Variants in FOLH1 observed in about 807,000 individuals in gnomAD.
FOLH1 encodes the protein folate hydrolase 1.
In FOLH1, 54 loss-of-function variants were observed where a neutral mutation model predicts 93.9. The ratio of observed to expected loss-of-function variants is 0.57; its 90% CI spans 0.46 to 0.72. The LOEUF (loss-of-function observed/expected upper bound fraction) is 0.72, where lower values mean the gene tolerates loss of function less well. FOLH1 is among the 30% of genes least tolerant of loss of function. The pLI is 0.00. For synonymous variants in FOLH1, 249 were observed against 303.6 expected, an observed-to-expected ratio of 0.82 and a Z score of 1.87; for missense variants, 571 against 892.5, an observed-to-expected ratio of 0.64 and a Z score of 4.59.
chr11:49,204,907 T>TA (rs986344906), intron 2 of FOLH1, among the ~76,000 whole-genome samples: 38 of 150,954 alleles, frequency 2.5e-4, no homozygotes, highest in African/African-American at 8.0e-4. Context: ...ATCTCATGCT[T>TA]AAAAAAAAAG....
rs1269883606 is a variant in FOLH1, at chr11:49,208,469, G to T, written c.-60C>A. ...CGCCTGTGCTGCTGCTCTACTGCGC[G>T]CCCTCCAACCACCACGGCGGGGTAA... is the stretch of plus-strand genomic sequence containing the variant. On this transcript the variant is annotated 5_prime_UTR_variant, in exon 1 of 19. Coordinates refer to ENST00000256999, the MANE Select transcript of FOLH1 (RefSeq NM_004476.3). 12 of 1,202,056 alleles carry T rather than the reference G, an allele frequency of 1.0e-5. No homozygotes were observed. Among genetic ancestry groups the T allele is most frequent in the Admixed American group, 6.7e-5 (3 of 44,842 alleles). The allele number at this position is 1,202,056 out of a possible 1,614,324, so 74.5% of individuals were successfully genotyped here. A position where few individuals can be genotyped will look rare whatever the true frequency, so the allele number is the denominator to read the frequency against.
intron 5 of FOLH1, 62 bp downstream of exon 5, chr11:49,186,582 G>A (rs1861409307): frequency 3.3e-6 from 5 of 1,536,242 alleles, no homozygotes; most frequent in Non-Finnish European, 4.4e-6. Context: ...TTCTACACAT[G>A]TAAAACCCAC....
intron 6 of FOLH1, among the ~76,000 whole-genome samples, chr11:49,185,164 T>C (rs1436883768): frequency 1.3e-5 from 2 of 152,112 alleles, no homozygotes; most frequent in African/African-American, 2.4e-5. Flanking sequence ...GAACTTCTGC[T>C]CTCCTGTCCC....
chr11:49,198,466 A>AGCCTGGGCGACACTGCACTCCAGCCTGG (rs1862889486), intron 3 of FOLH1, among the ~76,000 whole-genome samples: 1 of 148,372 alleles, frequency 6.7e-6, no homozygotes, highest in African/African-American at 2.6e-5. Flanking sequence ...TGGGCGACAA[A>AGCCTGGGCGACACTGCACTCCAGCCTGG]GCGAGACTCC....
intron 4 of FOLH1, among the ~76,000 whole-genome samples, chr11:49,191,784 G>A (rs546717250): frequency 4.6e-5 from 7 of 152,168 alleles, no homozygotes; most frequent in Non-Finnish European, 8.8e-5. Flanking sequence ...TGCAAGCTCC[G>A]CCTCCCGGGT....
At chr11:49,161,699 T>C (rs1178040659) in intron 13 of FOLH1, among the ~76,000 whole-genome samples, 2 of 152,232 alleles carry the variant, frequency 1.3e-5, no homozygotes, top group African/African-American at 4.8e-5. Context: ...TGCAGACTTA[T>C]GTGATTGCTT....
At chr11:49,201,282 C>A (rs542532161) in intron 2 of FOLH1, among the ~76,000 whole-genome samples, 3 of 124,604 alleles carry the variant, frequency 2.4e-5, no homozygotes, top group African/African-American at 1.0e-4. Context: ...ATATATAGTT[C>A]ATAAACTTTT....
intron 2 of FOLH1, 47 bp from the exon 3 acceptor site, chr11:49,200,488 C>T: frequency 6.3e-7 from 1 of 1,592,338 alleles, no homozygotes; most frequent in South Asian, 1.1e-5. Context: ...GTTTAATCAA[C>T]TTTTATTCCA....
At chr11:49,150,497 A>G (rs1272837818) in intron 17 of FOLH1, among the ~76,000 whole-genome samples, 10 of 152,184 alleles carry the variant, frequency 6.6e-5, no homozygotes, top group Non-Finnish European at 1.2e-4. Flanking sequence ...TATCAATATT[A>G]AAATAAGATG....
chr11:49,181,250 G>A (rs1463895751), intron 7 of FOLH1, among the ~76,000 whole-genome samples: 1 of 151,704 alleles, frequency 6.6e-6, no homozygotes, highest in African/African-American at 2.4e-5. Flanking sequence ...TGGGACTACA[G>A]GCATGCACCA....
chr11:49,179,950 T>C (rs1425282782), intron 7 of FOLH1, among the ~76,000 whole-genome samples: 1 of 152,230 alleles, frequency 6.6e-6, no homozygotes, highest in Non-Finnish European at 1.5e-5. Flanking sequence ...AAAGTCATTC[T>C]ATAAATGTTT....
chr11:49,147,025 G>A (rs1310456964), intron 18 of FOLH1, 80 bp from the exon 19 acceptor site: 16 of 1,439,442 alleles, frequency 1.1e-5, no homozygotes, highest in Non-Finnish European at 1.5e-5. Context: ...GCAATTCCTG[G>A]ATTGCATATT....
chr11:49,205,920 C>G (rs1863870471), intron 2 of FOLH1, 147 bp downstream of exon 2: 1 of 807,566 alleles, frequency 1.2e-6, no homozygotes, highest in Non-Finnish European at 1.8e-6. Context: ...AAAGTATAGT[C>G]CTCCTCAGAT....
At chr11:49,148,930 AT>A in intron 17 of FOLH1, among the ~76,000 whole-genome samples, 199 bp from the exon 18 acceptor site, 1 of 151,884 alleles carries the variant, frequency 6.6e-6, no homozygotes, top group East Asian at 1.9e-4. Flanking sequence ...CCTTTGTGGA[AT>A]TTTTTTTTAT....
intron 17 of FOLH1, among the ~76,000 whole-genome samples, chr11:49,149,715 G>A (rs1417302203): frequency 1.3e-5 from 2 of 152,110 alleles, no homozygotes; most frequent in African/African-American, 2.4e-5. Flanking sequence ...AAAGATGCTT[G>A]TTGAGATTTT....
chr11:49,182,854 T>C (rs1860932764), intron 7 of FOLH1, among the ~76,000 whole-genome samples: 1 of 152,006 alleles, frequency 6.6e-6, no homozygotes, highest in Admixed American at 6.5e-5. Context: ...GGAAGCATGG[T>C]CTTGACAAAA....
Position 49,146,686 on chromosome 11 carries a change from A to G in FOLH1, c.*70T>C, listed in dbSNP as rs1444968951. The G allele has an allele frequency of 6.3e-6, 9 of 1,434,906 alleles. No homozygotes were observed. The highest frequency in any genetic ancestry group is 3.6e-4 in the Middle Eastern group (2 of 5,484). 88.9% of individuals were successfully genotyped at this position (1,434,906 alleles called of 1,614,324 possible). On this transcript the variant is annotated 3_prime_UTR_variant, in exon 19 of 19. Coordinates refer to ENST00000256999, the MANE Select transcript of FOLH1 (RefSeq NM_004476.3). ...AATATACCAATTTTAAAATTTATCA[A>G]TATACCCATTACGATTCTTTCTGAG... is the stretch of plus-strand genomic sequence containing the variant.
chr11:49,208,047 C>A, intron 1 of FOLH1: 3 of 643,928 alleles, frequency 4.7e-6, no homozygotes, highest in East Asian at 2.8e-5. Context: ...GTTTCAGGTT[C>A]TCTCAGTTCT....
Position 49,146,564 on chromosome 11 carries a change from G to A in FOLH1, c.*192C>T. ...CTTCAGAATAACCTCTTATAATTAT[G>A]AAATTCAGTTTTAATCCATAGGGAG... On this transcript the variant is annotated 3_prime_UTR_variant, in exon 19 of 19. Transcript: ENST00000256999. 3.7e-6 allele frequency: 2 copies of A among 534,570 alleles called. No individual in the cohort carries two copies. Among genetic ancestry groups the A allele is most frequent in the Middle Eastern group, 5.4e-4 (1 of 1,850 alleles). The allele number at this position is 534,570 out of a possible 1,614,324, so 33.1% of individuals were successfully genotyped here.
Sources: gnomAD v4.1 joint callset for allele counts (sites outside exome capture counted in the v4.1 genomes callset) on GRCh38, gnomAD v4.1.1 for gene constraint, MANE v1.5 for transcripts, NCBI Gene and HGNC (gene_info 2026-07-23, HGNC 2026-07-21) for gene names.